The following FANCL variants were observed in gnomAD, a reference collection of about 807,000 sequenced individuals.
FANCL encodes the protein E3 ubiquitin-protein ligase FANCL.
A neutral mutation model predicts 59.4 loss-of-function variants in FANCL; 69 were observed. That is an observed-to-expected ratio of 1.16 (90% CI 0.96 to 1.42). The LOEUF (loss-of-function observed/expected upper bound fraction) is 1.42, where lower values mean the gene tolerates loss of function less well. Ranked by LOEUF, FANCL falls within the 40% of genes most tolerant of loss-of-function variation. The pLI, the probability that FANCL is intolerant of heterozygous loss-of-function variation, is 0.00. For missense variants in FANCL, 519 were observed against 447.2 expected (o/e 1.16, Z -1.45); for synonymous variants, 180 against 147.1 (o/e 1.22, Z -1.62).
chr2:58,170,904 A>C (rs1408012357), intron 7 of FANCL, among the ~76,000 whole-genome samples: 1 of 152,138 alleles, frequency 6.6e-6, no homozygotes, highest in African/African-American at 2.4e-5. Flanking sequence ...AAGAGACTTA[A>C]GACTCCCACA....
intron 11 of FANCL, among the ~76,000 whole-genome samples, chr2:58,162,538 A>T (rs1199894143): frequency 6.6e-6 from 1 of 151,870 alleles, no homozygotes; most frequent in Non-Finnish European, 1.5e-5. Context: ...TACAGTACTG[A>T]CAAGATGCAG....
intron 7 of FANCL, among the ~76,000 whole-genome samples, chr2:58,176,124 A>G (rs1687271201): frequency 1.3e-5 from 2 of 151,488 alleles, no homozygotes; most frequent in Admixed American, 1.3e-4. Context: ...TCAAGGAAAT[A>G]AAAGAGGATA....
intron 7 of FANCL, among the ~76,000 whole-genome samples, chr2:58,173,061 A>T (rs1489898418): frequency 1.3e-5 from 2 of 152,234 alleles, no homozygotes; most frequent in Non-Finnish European, 2.9e-5. Flanking sequence ...AGTGAATGAA[A>T]TGAAGCAAGA....
intron 5 of FANCL, among the ~76,000 whole-genome samples, chr2:58,211,677 A>G (rs188637364): frequency 2.0e-4 from 31 of 152,304 alleles, no homozygotes; most frequent in African/African-American, 7.0e-4. Context: ...CACCTCTTCA[A>G]TGTTTTGCTG....
intron 5 of FANCL, among the ~76,000 whole-genome samples, chr2:58,208,144 T>C (rs1573715910): frequency 6.6e-6 from 1 of 152,192 alleles, no homozygotes; most frequent in Non-Finnish European, 1.5e-5. Context: ...AAATAAAATA[T>C]AAATCATTCA....
chr2:58,220,366 C>T (rs1476605402), intron 5 of FANCL, among the ~76,000 whole-genome samples: 1 of 152,132 alleles, frequency 6.6e-6, no homozygotes, highest in African/African-American at 2.4e-5. Flanking sequence ...ATGGCCCACT[C>T]AGTCAAATTT....
chr2:58,189,478 T>G (rs1287381249), intron 7 of FANCL, among the ~76,000 whole-genome samples: 1 of 152,100 alleles, frequency 6.6e-6, no homozygotes, highest in Non-Finnish European at 1.5e-5. Flanking sequence ...AAAACTGTAT[T>G]ACTTTTATAT....
At chr2:58,227,415 T>A (rs1460361653) in intron 3 of FANCL, among the ~76,000 whole-genome samples, 1 of 152,142 alleles carries the variant, frequency 6.6e-6, no homozygotes, top group East Asian at 1.9e-4. Context: ...CAAGGTTTTA[T>A]TAAGTGCAAG....
At chr2:58,224,355 T>C (rs2103796386) in intron 4 of FANCL, among the ~76,000 whole-genome samples, 1 of 151,998 alleles carries the variant, frequency 6.6e-6, no homozygotes, top group South Asian at 2.1e-4. Flanking sequence ...ATGCTTCACT[T>C]GTTCACTTTA....
intron 5 of FANCL, among the ~76,000 whole-genome samples, chr2:58,207,512 A>G (rs951036390): frequency 2.6e-5 from 4 of 152,190 alleles, no homozygotes; most frequent in African/African-American, 9.6e-5. Flanking sequence ...AGAGGCACCA[A>G]CCCACTCTTG....
intron 1 of FANCL, among the ~76,000 whole-genome samples, chr2:58,240,674 A>C (rs1214239113): frequency 6.6e-6 from 1 of 152,232 alleles, no homozygotes; most frequent in East Asian, 1.9e-4. Flanking sequence ...CACTGGAATC[A>C]GCAAAGTTAA....
chr2:58,206,872 T>C (rs1487913496), intron 5 of FANCL, among the ~76,000 whole-genome samples: 2 of 152,108 alleles, frequency 1.3e-5, no homozygotes, highest in Non-Finnish European at 2.9e-5. Flanking sequence ...CTGGTCACTT[T>C]GTTTGGGGCA....
chr2:58,238,386 A>C (rs941572040), intron 1 of FANCL, among the ~76,000 whole-genome samples: 1 of 152,202 alleles, frequency 6.6e-6, no homozygotes, highest in Admixed American at 6.5e-5. Context: ...CAGTGAGACA[A>C]TAATTGTTTT....
chr2:58,219,269 G>C (rs900433859), intron 5 of FANCL, among the ~76,000 whole-genome samples: 8 of 138,352 alleles, frequency 5.8e-5, no homozygotes, highest in African/African-American at 2.1e-4. Flanking sequence ...AATGGCCAAA[G>C]CTAGAACAAA....
At chr2:58,190,372 A>C (rs1356209160) in intron 7 of FANCL, among the ~76,000 whole-genome samples, 1 of 151,990 alleles carries the variant, frequency 6.6e-6, no homozygotes, top group African/African-American at 2.4e-5. Context: ...CCACTTTTGA[A>C]AAGTGAAAGA....
intron 7 of FANCL, among the ~76,000 whole-genome samples, chr2:58,175,786 A>T (rs1162416165): frequency 1.1e-4 from 16 of 152,130 alleles, no homozygotes; most frequent in Non-Finnish European, 2.4e-4. Context: ...TGGCCAGGGC[A>T]ATTAGGCAGG....
At chr2:58,204,856 C>G (rs1354841197) in intron 5 of FANCL, among the ~76,000 whole-genome samples, 1 of 152,068 alleles carries the variant, frequency 6.6e-6, no homozygotes, top group East Asian at 1.9e-4. Context: ...ACATATAGCA[C>G]AAGCACAACT....
chr2:58,159,982 A>AAT (rs1684868252), intron 13 of FANCL, 126 bp downstream of exon 13: 2 of 1,533,822 alleles, frequency 1.3e-6, no homozygotes, highest in East Asian at 2.4e-5. Flanking sequence ...GAATTTGAAA[A>AAT]ATAGAAATAC....
intron 7 of FANCL, among the ~76,000 whole-genome samples, chr2:58,180,413 T>G (rs555838959): frequency 3.9e-5 from 6 of 152,146 alleles, no homozygotes; most frequent in Admixed American, 3.3e-4. Flanking sequence ...GTTCATGTCC[T>G]TTGCAGGGAC....
Sources: allele counts gnomAD v4.1 joint callset (sites outside exome capture counted in the v4.1 genomes callset), GRCh38; gene constraint gnomAD v4.1.1; transcripts MANE v1.5; gene names NCBI Gene and HGNC (gene_info 2026-07-23, HGNC 2026-07-21).